Variants in CD99L2 observed in about 807,000 individuals in gnomAD.
CD99L2 encodes the protein CD99 molecule like 2, also known as CD99 antigen-like protein 2.
A neutral mutation model predicts 27.3 loss-of-function variants in CD99L2; 24 were observed. That is an observed-to-expected ratio of 0.88 (90% CI 0.64 to 1.24). The LOEUF (loss-of-function observed/expected upper bound fraction) is 1.24, where lower values mean the gene tolerates loss of function less well. Ranked by LOEUF, CD99L2 falls within the 50% of genes most tolerant of loss-of-function variation. The probability of loss-of-function intolerance (pLI) is 0.00; values close to 1 mark genes in which losing one functional copy is unlikely to be tolerated. For missense variants in CD99L2, 255 were observed against 221.6 expected (o/e 1.15, Z -0.96); for synonymous variants, 97 against 87.9 (o/e 1.10, Z -0.58).
At chrX:150,885,099 G>A (rs1276686342) in intron 1 of CD99L2, among the ~76,000 whole-genome samples, 3 of 111,141 alleles carry the variant, frequency 2.7e-5, no homozygotes, top group Non-Finnish European at 3.8e-5. Context: ...AGGTGGCAGA[G>A]TATAAAGTAA....
At chrX:150,870,048 G>A (rs782735834) in intron 1 of CD99L2, among the ~76,000 whole-genome samples, 1 of 111,569 alleles carries the variant, frequency 9.0e-6, no homozygotes, top group African/African-American at 3.3e-5. Context: ...AGAATATATG[G>A]TAATTCTGAG....
intron 7 of CD99L2, among the ~76,000 whole-genome samples, chrX:150,783,981 G>C (rs1264655438): frequency 4.5e-5 from 5 of 111,756 alleles, no homozygotes; most frequent in Non-Finnish European, 9.4e-5. Context: ...GAAAACTCTA[G>C]CTTTGAGCAG....
intron 8 of CD99L2, chrX:150,776,929 C>T (rs781982862): frequency 2.9e-5 from 4 of 137,378 alleles, no homozygotes; most frequent in South Asian, 4.7e-4. Context: ...TGGTTTGGTC[C>T]AGAAAGGTGG....
chrX:150,863,351 C>A (rs2047008923), intron 1 of CD99L2, among the ~76,000 whole-genome samples: 1 of 112,272 alleles, frequency 8.9e-6, no homozygotes, highest in Non-Finnish European at 1.9e-5. Context: ...ATTTGCTATT[C>A]TTGTAAATTA....
intron 1 of CD99L2, among the ~76,000 whole-genome samples, chrX:150,838,292 C>T (rs1277981961): frequency 1.8e-5 from 2 of 111,841 alleles, no homozygotes; most frequent in Admixed American, 9.5e-5. Context: ...TAGATTGGAT[C>T]CTGGATTGGA....
chrX:150,815,395 T>C (rs2046138085), intron 3 of CD99L2, among the ~76,000 whole-genome samples: 1 of 111,935 alleles, frequency 8.9e-6, no homozygotes, highest in Non-Finnish European at 1.9e-5. Flanking sequence ...TCTTGCATCA[T>C]CAGTGTCTCT....
At chrX:150,877,884 G>A (rs1430609195) in intron 1 of CD99L2, among the ~76,000 whole-genome samples, 9 of 109,491 alleles carry the variant, frequency 8.2e-5, no homozygotes, top group African/African-American at 3.0e-4. Context: ...TAAAAAGATT[G>A]TTAGGTAAAG....
In CD99L2 at chrX:150,769,709, C is replaced by T. The variant is rs782210302; in HGVS notation, c.721+595G>A. ...ACCAGGCCTCGGCTGCTCCCCGACC[C>T]CAGCAAGCCTTTCCGGACCTCCTCA... On this transcript the variant is annotated intron_variant, in intron 10 of 10. Transcript: ENST00000370377. Among the ~76,000 whole-genome samples the T allele has an allele frequency of 1.5e-4, 15 of 100,247 alleles. No homozygotes were observed. In the East Asian group the frequency reaches 6.4e-3, roughly 42 times the overall value. The allele number at this position is 100,247 out of a possible 115,157, so 87.1% of individuals were successfully genotyped here.
chrX:150,833,012 G>A (rs1368202473), intron 1 of CD99L2, among the ~76,000 whole-genome samples: 3 of 102,237 alleles, frequency 2.9e-5, no homozygotes, highest in South Asian at 4.7e-4. Flanking sequence ...CCGAGATCGC[G>A]CCACTGCACT....
intron 1 of CD99L2, among the ~76,000 whole-genome samples, chrX:150,838,492 TA>T (rs1319895720): frequency 3.6e-5 from 4 of 111,383 alleles, no homozygotes; most frequent in African/African-American, 9.8e-5. Context: ...AATTTTTCTG[TA>T]TATCTAACTG....
intron 6 of CD99L2, 111 bp downstream of exon 6, chrX:150,795,095 A>T: frequency 1.2e-6 from 1 of 857,598 alleles, no homozygotes; most frequent in Non-Finnish European, 1.7e-6. Flanking sequence ...TACCACCATT[A>T]TAGGGTTCTC....
chrX:150,887,418 C>T (rs2047430142), intron 1 of CD99L2, among the ~76,000 whole-genome samples: 1 of 107,210 alleles, frequency 9.3e-6, no homozygotes, highest in South Asian at 4.1e-4. Context: ...TGCACTTCAG[C>T]CTGGGTGACA....
chrX:150,767,876 C>T lies in CD99L2; in HGVS notation c.*1158G>A, dbSNP rs2043337774. ...CACCGGGACAGAACCATATGTGGGC[C>T]AAAGGAACATTCCAGGAAACCAGCT... On this transcript the variant is annotated 3_prime_UTR_variant, in exon 11 of 11. Coordinates refer to ENST00000370377, the MANE Select transcript of CD99L2 (RefSeq NM_031462.4). 1 of 111,659 alleles carries T rather than the reference C, an allele frequency of 9.0e-6. No homozygotes were observed. The highest frequency in any genetic ancestry group is 3.7e-4 in the South Asian group (1 of 2,682). 9.2% of individuals were successfully genotyped at this position (111,659 alleles called of 1,213,427 possible). A position where few individuals can be genotyped will look rare whatever the true frequency, so the allele number is the denominator to read the frequency against.
chrX:150,822,493 C>T (rs1485633910), intron 2 of CD99L2, among the ~76,000 whole-genome samples: 4 of 111,786 alleles, frequency 3.6e-5, no homozygotes, highest in Non-Finnish European at 5.6e-5. Context: ...CACTTAATTG[C>T]TCACTTTTAA....
intron 7 of CD99L2, among the ~76,000 whole-genome samples, chrX:150,791,306 G>C (rs2045683843): frequency 9.0e-6 from 1 of 111,568 alleles, no homozygotes; most frequent in Non-Finnish European, 1.9e-5. Context: ...ATACCACTAA[G>C]CAATGAATAC....
chrX:150,772,374 G>A (rs1265663290), intron 9 of CD99L2, among the ~76,000 whole-genome samples: 2 of 112,831 alleles, frequency 1.8e-5, no homozygotes, highest in East Asian at 5.6e-4. Context: ...GCTGGGAGAG[G>A]CTGCTCCAGG....
chrX:150,860,958 G>A (rs1182821026), intron 1 of CD99L2, among the ~76,000 whole-genome samples: 4 of 108,954 alleles, frequency 3.7e-5, no homozygotes, highest in South Asian at 4.0e-4. Context: ...TGGCCAACAC[G>A]GTGAAACCCT....
intron 1 of CD99L2, among the ~76,000 whole-genome samples, chrX:150,861,799 G>A (rs1291998210): frequency 1.4e-4 from 15 of 109,211 alleles, no homozygotes; most frequent in Non-Finnish European, 2.9e-4. Context: ...TCAGCTACTC[G>A]GGAGGCTGAG....
rs202238829 is a variant in CD99L2, at chrX:150,844,623, T to A, written c.68-13330A>T. On this transcript the variant is annotated intron_variant, in intron 1 of 10. Transcript: ENST00000370377. ...CTGAGTAATTAATATCCTCTGGACT[T>A]GCTAAGCACTGCAGCATTGCAAGTG... 4.4e-5 allele frequency among the ~76,000 whole-genome samples: 5 copies of A among 112,526 alleles called. No individual in the cohort carries two copies. The East Asian group carries it at 1.4e-3, about 31-fold the overall frequency.
Sources: allele counts gnomAD v4.1 joint callset (sites outside exome capture counted in the v4.1 genomes callset), GRCh38; gene constraint gnomAD v4.1.1; transcripts MANE v1.5; gene names NCBI Gene and HGNC (gene_info 2026-07-23, HGNC 2026-07-21).